Variants in IRGQ observed in about 807,000 individuals in gnomAD.
IRGQ encodes the protein immunity-related GTPase family Q protein.
In IRGQ, 5 loss-of-function variants were observed where a neutral mutation model predicts 10.5. The ratio of observed to expected loss-of-function variants is 0.48; its 90% confidence interval spans 0.25 to 1.00. The LOEUF (loss-of-function observed/expected upper bound fraction) is 1.00, where lower values mean the gene tolerates loss of function less well. Among genes scored for constraint, IRGQ ranks in the 50% least tolerant of loss-of-function variants. The pLI is 0.16. For synonymous variants in IRGQ, 418 were observed against 426.0 expected, an observed-to-expected ratio of 0.98 and a Z score of 0.23; for missense variants, 792 against 877.7, an observed-to-expected ratio of 0.90 and a Z score of 1.23.
At position 43,592,068 on chromosome 19, in the gene IRGQ, A is replaced by T. The variant is rs1428607546; in HGVS notation, c.1830T>A (p.Ala610=). ...GGGGTGCCAGCACAGCCTCAGCATC[A>T]GCCCGCATCTCATCGAGAGCCTGCA... ...VLLQALDEMR[A]DAEAVLAPPE... is the part of the protein sequence containing the mutation. The change falls in exon 3 of 3, where the codon GCT becomes GCA. Residue 610 remains alanine (A), a synonymous_variant. Transcript: ENST00000422989. 6.2e-7 allele frequency: 1 copy of T among 1,611,626 alleles called. No homozygotes were observed. Among genetic ancestry groups the T allele is most frequent in the Non-Finnish European group, 8.5e-7 (1 of 1,179,086 alleles).
rs1263160918 is a variant in IRGQ at position 43,592,768 on chromosome 19, G to C, written c.1130C>G (p.Ser377Trp). 5 of 1,613,322 alleles carry C rather than the reference G, an allele frequency of 3.1e-6. No homozygotes were observed. The highest frequency in any genetic ancestry group is 1.6e-4 in the Middle Eastern group (1 of 6,084). Residue 377 changes from serine (S) to tryptophan (W), a missense_variant, in exon 3 of 3, where the codon TCG (serine) becomes TGG (tryptophan). Physicochemically the swap from Ser to Trp is radical, Grantham distance 177. Transcript: ENST00000422989. ...SKGREKCSAG[S>W]QKAGSGEGPG... The stretch of plus-strand genomic sequence containing the variant: ...ACCTTCCCCGCTGCCTGCTTTCTGC[G>C]ATCCAGCGCTACATTTCTCCCTTCC...
chr19:43,595,271 A>G lies in IRGQ; in HGVS notation c.68T>C (p.Leu23Pro). ...LGPPGLGKSALIAALCDKDVE... is the reference protein window; with the variant it reads ...LGPPGLGKSAPIAALCDKDVE... ...ATCCTTGTCGCACAGCGCTGCGATC[A>G]GCGCGGACTTCCCCAAGCCCGGAGG... is the stretch of plus-strand genomic sequence containing the variant. The change falls in exon 2 of 3, where the codon CTG becomes CCG. Residue 23 changes from leucine to proline, a missense_variant. Transcript: ENST00000422989. 1 of 1,605,830 alleles carries G rather than the reference A, an allele frequency of 6.2e-7. No individual in the cohort carries two copies. The highest frequency in any genetic ancestry group is 8.5e-7 in the Non-Finnish European group (1 of 1,176,710).
chr19:43,595,959 C>T (rs905680599), intron 1 of IRGQ, 23 bp downstream of exon 1: 1 of 152,282 alleles, frequency 6.6e-6, no homozygotes, highest in African/African-American at 2.4e-5. Context: ...CATCTTTCCC[C>T]TTCCCCCTTC....
At position 43,592,309 on chromosome 19, in the gene IRGQ, C is replaced by A; in HGVS notation, c.1589G>T (p.Arg530Leu). 1 of 1,565,150 alleles carries A rather than the reference C, an allele frequency of 6.4e-7. No homozygotes were observed. The highest frequency in any genetic ancestry group is 8.6e-7 in the Non-Finnish European group (1 of 1,164,272). The change falls in exon 3 of 3, where the codon CGT becomes CTT. Residue 530 changes from arginine to leucine, a missense_variant. Coordinates refer to ENST00000422989, the MANE Select transcript of IRGQ (RefSeq NM_001007561.3). Reference protein sequence around the residue: ...LGLEPTALARRERALGLASGE... With the variant: ...LGLEPTALARLERALGLASGE... Reference sequence around the variant, plus strand: ...AGAAGCCAGGCCCAGGGCACGCTCACGTCGAGCCAGTGCCGTGGGTTCCAG... The same window carrying A: ...AGAAGCCAGGCCCAGGGCACGCTCAAGTCGAGCCAGTGCCGTGGGTTCCAG...
In IRGQ at chr19:43,592,922, G is replaced by GA; in HGVS notation, c.975dup (p.Leu326SerfsTer43). ...TCGCCGTCTGTGCGCACGCAGACAA[G>GA]AGGCGCATCTGGTAGCAGCAAGGCC... On this transcript the variant is annotated frameshift_variant, in exon 3 of 3. Coordinates refer to ENST00000422989, the MANE Select transcript of IRGQ (RefSeq NM_001007561.3). LOFTEE classifies it low-confidence loss of function (END_TRUNC). 1 of 1,612,038 alleles carries GA rather than the reference G, an allele frequency of 6.2e-7. No homozygotes were observed. Among genetic ancestry groups the GA allele is most frequent in the Non-Finnish European group, 8.5e-7 (1 of 1,180,014 alleles).
Position 43,590,728 on chromosome 19 carries a change from CA to C in IRGQ, c.*1297del. 6.6e-6 allele frequency: 1 copy of C among 151,918 alleles called. No homozygotes were observed. Among genetic ancestry groups the C allele is most frequent in the South Asian group, 2.1e-4 (1 of 4,812 alleles). 9.4% of individuals were successfully genotyped at this position (151,918 alleles called of 1,614,324 possible). A position where few individuals can be genotyped will look rare whatever the true frequency, so the allele number is the denominator to read the frequency against. On this transcript the variant is annotated 3_prime_UTR_variant, in exon 3 of 3. Transcript: ENST00000422989. ...TGGTTAAATACCAGGAGAAAAAGGC[CA>C]AAAAAAGATAGAAACTCCTAAAGAA... is the stretch of plus-strand genomic sequence containing the variant.
Position 43,593,052 on chromosome 19 carries a change from C to T in IRGQ, c.846G>A (p.Thr282=), listed in dbSNP as rs375562877. The T allele has an allele frequency of 3.7e-6, 6 of 1,605,302 alleles. No individual in the cohort carries two copies. The highest frequency in any genetic ancestry group is 3.3e-5 in the Admixed American group (2 of 59,796). Reference sequence around the variant, plus strand: ...CGGCGGCCGCGGTGGTGGCAGTGCCCGTGTGGCCCAGAGGCACGGTCCAGA... The same window carrying T: ...CGGCGGCCGCGGTGGTGGCAGTGCCTGTGTGGCCCAGAGGCACGGTCCAGA... ...VVLWTVPLGH[T]GTATTAAAAS... Residue 282 remains threonine, a synonymous_variant, in exon 3 of 3, where the codon ACG becomes ACA. Coordinates refer to ENST00000422989, the MANE Select transcript of IRGQ (RefSeq NM_001007561.3). This position sits in a 1 kb window ranked among gnomAD's most constrained non-coding sequence, Gnocchi z 6.4.
chr19:43,594,474 G>A (rs1824777005), intron 2 of IRGQ, among the ~76,000 whole-genome samples: 1 of 152,016 alleles, frequency 6.6e-6, no homozygotes, highest in African/African-American at 2.4e-5. Flanking sequence ...CCCAGGAGGT[G>A]GAGGCCGTCA....
rs1055399818 is a variant in IRGQ, at chr19:43,586,634, G to A, written c.*5392C>T. 3.3e-5 allele frequency: 5 copies of A among 152,270 alleles called. No homozygotes were observed. The highest frequency in any genetic ancestry group is 9.6e-5 in the African/African-American group (4 of 41,460). The allele number at this position is 152,270 out of a possible 1,614,324, so 9.4% of individuals were successfully genotyped here. A position where few individuals can be genotyped will look rare whatever the true frequency, so the allele number is the denominator to read the frequency against. ...GGCAGAAAAATGAGGAGCACACTCC[G>A]AGCAAAGGCATGGGGGTGAGACAAA... On this transcript the variant is annotated 3_prime_UTR_variant, in exon 3 of 3. Transcript: ENST00000422989.
chr19:43,589,135 C>T lies in IRGQ; in HGVS notation c.*2891G>A, dbSNP rs1319654607. 6.6e-6 allele frequency: 1 copy of T among 152,210 alleles called. No individual in the cohort carries two copies. The highest frequency in any genetic ancestry group is 2.4e-5 in the African/African-American group (1 of 41,448). The allele number at this position is 152,210 out of a possible 1,614,324, so 9.4% of individuals were successfully genotyped here. ...CACAGATGGGAAAATAAGGCACTGT[C>T]CAAGTAACACACAGTGACAGTGGCA... On this transcript the variant is annotated 3_prime_UTR_variant, in exon 3 of 3. Transcript: ENST00000422989.
chr19:43,585,376 C>G lies in IRGQ; in HGVS notation c.*6650G>C, dbSNP rs1343027726. 1 of 152,210 alleles carries G rather than the reference C, an allele frequency of 6.6e-6. No homozygotes were observed. The highest frequency in any genetic ancestry group is 1.5e-5 in the Non-Finnish European group (1 of 68,138). 9.4% of individuals were successfully genotyped at this position (152,210 alleles called of 1,614,324 possible). On this transcript the variant is annotated 3_prime_UTR_variant, in exon 3 of 3. Transcript: ENST00000422989. Reference sequence around the variant, plus strand: ...GCCTCAGCCTCCCGAGTAGCTGGGACTACAGGTGTGCACCACCACACCCAG... The same window carrying G: ...GCCTCAGCCTCCCGAGTAGCTGGGAGTACAGGTGTGCACCACCACACCCAG...
Position 43,591,939 on chromosome 19 carries a change from T to A in IRGQ, c.*87A>T. ...AGAAGTCACACATCCCAGCTGGAAG[T>A]CAAGAGTCCACATCCCCTTCAAGCA... On this transcript the variant is annotated 3_prime_UTR_variant, in exon 3 of 3. Transcript: ENST00000422989. 1 of 1,339,836 alleles carries A rather than the reference T, an allele frequency of 7.5e-7. No individual in the cohort carries two copies. The highest frequency in any genetic ancestry group is 1.0e-6 in the Non-Finnish European group (1 of 984,588). The allele number at this position is 1,339,836 out of a possible 1,614,324, so 83.0% of individuals were successfully genotyped here.
rs113072411 is a variant in IRGQ at position 43,586,845 on chromosome 19, G to C, written c.*5181C>G. ...CCATGTGAGGTAGATGCCATTTGTA[G>C]AGTGACTTGCCCAAGTCAGTGGAAG... On this transcript the variant is annotated 3_prime_UTR_variant, in exon 3 of 3. Coordinates refer to ENST00000422989, the MANE Select transcript of IRGQ (RefSeq NM_001007561.3). 4 of 152,200 alleles carry C rather than the reference G, an allele frequency of 2.6e-5. No homozygotes were observed. The highest frequency in any genetic ancestry group is 5.9e-5 in the Non-Finnish European group (4 of 68,026). 9.4% of individuals were successfully genotyped at this position (152,200 alleles called of 1,614,324 possible).
rs1973134715 is a variant in IRGQ at position 43,596,066 on chromosome 19, G to A, written c.-87C>T. 1 of 152,254 alleles carries A rather than the reference G, an allele frequency of 6.6e-6. No individual in the cohort carries two copies. Among genetic ancestry groups the A allele is most frequent in the Non-Finnish European group, 1.5e-5 (1 of 68,062 alleles). The allele number at this position is 152,254 out of a possible 1,614,324, so 9.4% of individuals were successfully genotyped here. A position where few individuals can be genotyped will look rare whatever the true frequency, so the allele number is the denominator to read the frequency against. ...GAAGCCCGGCCCCTGGGCCGCGGCG[G>A]ACGGAGGCCGAAGAGGCCAGGGAGC... On this transcript the variant is annotated 5_prime_UTR_variant, in exon 1 of 3. Transcript: ENST00000422989.
chr19:43,595,873 C>T (rs1015864703), intron 1 of IRGQ, 109 bp downstream of exon 1: 1 of 152,502 alleles, frequency 6.6e-6, no homozygotes, highest in African/African-American at 2.4e-5. Context: ...GCAAGACCCT[C>T]TCTGAAAAAT....
chr19:43,592,922 G>C lies in IRGQ; in HGVS notation c.976C>G (p.Leu326Val). The change falls in exon 3 of 3, where the codon CTT becomes GTT. Residue 326 changes from leucine to valine, a missense_variant. By Grantham distance (32) the Leu-to-Val change is conservative (BLOSUM62 1). Coordinates refer to ENST00000422989, the MANE Select transcript of IRGQ (RefSeq NM_001007561.3). Reference protein sequence around the residue: ...VQALLLPDAPLVCVRTDGEGE... With the variant: ...VQALLLPDAPVVCVRTDGEGE... ...TCGCCGTCTGTGCGCACGCAGACAAGAGGCGCATCTGGTAGCAGCAAGGCC... is the reference window on the plus strand; with the variant it reads ...TCGCCGTCTGTGCGCACGCAGACAACAGGCGCATCTGGTAGCAGCAAGGCC... The C allele has an allele frequency of 1.2e-6, 2 of 1,612,038 alleles. No individual in the cohort carries two copies. Among genetic ancestry groups the C allele is most frequent in the African/African-American group, 1.3e-5 (1 of 75,054 alleles).
At chr19:43,594,144 G>C (rs754540899) in intron 2 of IRGQ, among the ~76,000 whole-genome samples, 1 of 152,166 alleles carries the variant, frequency 6.6e-6, no homozygotes, top group African/African-American at 2.4e-5. Context: ...CTGATGGTGG[G>C]GAGGGCTCAA....
At chr19:43,595,403 C>T (rs1973123145) in intron 1 of IRGQ, 63 bp from the exon 2 acceptor site, 7 of 1,451,608 alleles carry the variant, frequency 4.8e-6, no homozygotes, top group Non-Finnish European at 1.8e-6. Flanking sequence ...CTTTCCTAGC[C>T]GCCCCACTCG....
Position 43,585,554 on chromosome 19 carries a change from C to G in IRGQ, c.*6472G>C, listed in dbSNP as rs1420613173. On this transcript the variant is annotated 3_prime_UTR_variant, in exon 3 of 3. Transcript: ENST00000422989. Reference sequence around the variant, plus strand: ...CACACCCGGCCGCATAAGCACTTTCCAAGCCTCTGCTTGTATCATGTTTGC... The same window carrying G: ...CACACCCGGCCGCATAAGCACTTTCGAAGCCTCTGCTTGTATCATGTTTGC... 1 of 152,094 alleles carries G rather than the reference C, an allele frequency of 6.6e-6. No individual in the cohort carries two copies. Among genetic ancestry groups the G allele is most frequent in the Non-Finnish European group, 1.5e-5 (1 of 68,032 alleles). 9.4% of individuals were successfully genotyped at this position (152,094 alleles called of 1,614,324 possible). A position where few individuals can be genotyped will look rare whatever the true frequency, so the allele number is the denominator to read the frequency against.
Sources: allele counts gnomAD v4.1 joint callset (sites outside exome capture counted in the v4.1 genomes callset), GRCh38; gene constraint gnomAD v4.1.1; non-coding constraint Gnocchi (gnomAD v3.1); transcripts MANE v1.5; gene names NCBI Gene and HGNC (gene_info 2026-07-23, HGNC 2026-07-21).